Variants in SLC44A5 observed in about 807,000 individuals in gnomAD.
The protein encoded by SLC44A5 is choline transporter-like protein 5.
In SLC44A5, 57 loss-of-function variants were observed where a neutral mutation model predicts 101.8. The observed-to-expected ratio is 0.56, with a 90% CI of 0.45 to 0.70. The LOEUF (loss-of-function observed/expected upper bound fraction) is 0.70, where lower values mean the gene tolerates loss of function less well. SLC44A5 is among the 30% of genes least tolerant of loss of function. The pLI, the probability that SLC44A5 is intolerant of heterozygous loss-of-function variation, is 0.00. For synonymous variants in SLC44A5, 281 were observed against 290.9 expected, an observed-to-expected ratio of 0.97 and a Z score of 0.35; for missense variants, 737 against 853.1, an observed-to-expected ratio of 0.86 and a Z score of 1.70.
chr1:75,646,436 G>C, the SLC44A5 span, among the ~76,000 whole-genome samples: 7 of 152,036 alleles, frequency 4.6e-5, no homozygotes, highest in Admixed American at 3.9e-4. Flanking sequence ...AAGTCTTAAC[G>C]TGACATGAGA....
In SLC44A5 at chr1:75,357,320, GC is replaced by G. The variant is rs1286545665; in HGVS notation, c.53-17691del. The G allele has an allele frequency of 1.2e-5, 5 of 425,100 alleles. No individual in the cohort carries two copies. The Admixed American group carries it at 1.4e-4, about 12-fold the overall frequency. The allele number at this position is 425,100 out of a possible 1,614,324, so 26.3% of individuals were successfully genotyped here. ...CTGTGATACTATTCATTGATAGAGA[GC>G]CCTTAAAATGTGAACGTGTCCTGAC... is the stretch of plus-strand genomic sequence containing the variant. On this transcript the variant is annotated intron_variant, in intron 3 of 23. Coordinates refer to ENST00000370859, the MANE Select transcript of SLC44A5 (RefSeq NM_001130058.2).
chr1:75,251,171 G>T, intron 7 of SLC44A5, 39 bp downstream of exon 7: 1 of 1,470,540 alleles, frequency 6.8e-7, no homozygotes, highest in Non-Finnish European at 9.5e-7. Flanking sequence ...AGAATGTTCA[G>T]AACGGCTGAC....
At chr1:75,652,421 C>G in the SLC44A5 span, among the ~76,000 whole-genome samples, 1 of 152,180 alleles carries the variant, frequency 6.6e-6, no homozygotes, top group African/African-American at 2.4e-5. Flanking sequence ...TCTGAGAAGG[C>G]AAGAATTGAG....
the SLC44A5 span, among the ~76,000 whole-genome samples, chr1:75,659,941 A>T: frequency 6.6e-6 from 1 of 152,266 alleles, no homozygotes; most frequent in East Asian, 1.9e-4. Flanking sequence ...AATATATCAG[A>T]TTAATAGAAT....
intron 5 of SLC44A5, among the ~76,000 whole-genome samples, chr1:75,282,606 T>A (rs539825111): frequency 1.3e-5 from 2 of 152,262 alleles, no homozygotes; most frequent in Non-Finnish European, 2.9e-5. Flanking sequence ...AATCCCCACG[T>A]GTTGGGAGTG....
chr1:75,695,355 C>T, the SLC44A5 span, among the ~76,000 whole-genome samples: 60 of 152,220 alleles, frequency 3.9e-4, no homozygotes, highest in South Asian at 9.3e-3. Context: ...TATCAGATAA[C>T]GCCAAGTAGA....
intron 12 of SLC44A5, among the ~76,000 whole-genome samples, chr1:75,229,078 T>A (rs17096462): frequency 0.28 from 42,924 of 151,762 alleles, 6,383 homozygotes; most frequent in Middle Eastern, 0.36. Context: ...TTCTGTGGAA[T>A]CATTCTCCTT....
chr1:75,214,726 C>G, intron 19 of SLC44A5, 48 bp from the exon 20 acceptor site: 1 of 1,481,406 alleles, frequency 6.8e-7, no homozygotes. Flanking sequence ...CATACTCTAA[C>G]AAGATCAAAA....
At chr1:75,675,599 C>T in the SLC44A5 span, among the ~76,000 whole-genome samples, 4 of 152,214 alleles carry the variant, frequency 2.6e-5, no homozygotes, top group Admixed American at 2.6e-4. Context: ...ACTATAAAAA[C>T]CCTAGAAGAA....
intron 4 of SLC44A5, among the ~76,000 whole-genome samples, chr1:75,310,699 A>G (rs1214062886): frequency 6.6e-6 from 1 of 152,208 alleles, no homozygotes; most frequent in Non-Finnish European, 1.5e-5. Flanking sequence ...TGTGCAAATA[A>G]TATGGGCTTT....
chr1:75,399,974 A>C (rs1007701415), intron 2 of SLC44A5, among the ~76,000 whole-genome samples: 6 of 152,240 alleles, frequency 3.9e-5, no homozygotes. Flanking sequence ...AATGTGGTAC[A>C]TACACAACCA....
chr1:75,519,009 T>TA (rs1669979350), intron 2 of SLC44A5, among the ~76,000 whole-genome samples: 2 of 152,222 alleles, frequency 1.3e-5, no homozygotes, highest in Admixed American at 1.3e-4. Context: ...ATGTAAATTA[T>TA]ATCTCAATAA....
chr1:75,648,474 A>G, the SLC44A5 span, among the ~76,000 whole-genome samples: 1 of 152,108 alleles, frequency 6.6e-6, no homozygotes, highest in African/African-American at 2.4e-5. Context: ...GTTTACTGAG[A>G]CCCTTCTCAG....
intron 6 of SLC44A5, among the ~76,000 whole-genome samples, chr1:75,269,325 T>C (rs1186593616): frequency 6.6e-6 from 1 of 152,070 alleles, no homozygotes; most frequent in Non-Finnish European, 1.5e-5. Flanking sequence ...ATACATTTGG[T>C]CAGATATATA....
the SLC44A5 span, among the ~76,000 whole-genome samples, chr1:75,668,390 C>T: frequency 1.7e-5 from 2 of 118,156 alleles, no homozygotes; most frequent in Non-Finnish European, 3.2e-5. Flanking sequence ...GTGGCATAAT[C>T]ACGGCTCACA....
At chr1:75,686,189 G>A in the SLC44A5 span, among the ~76,000 whole-genome samples, 1 of 152,174 alleles carries the variant, frequency 6.6e-6, no homozygotes. Flanking sequence ...TGGGGACACA[G>A]CCAAACCATA....
the SLC44A5 span, among the ~76,000 whole-genome samples, chr1:75,645,821 G>A: frequency 7.3e-6 from 1 of 136,076 alleles, no homozygotes; most frequent in Non-Finnish European, 1.6e-5. Context: ...AAGGTGTAAG[G>A]AAGGAACCAG....
At chr1:75,681,235 T>G in the SLC44A5 span, among the ~76,000 whole-genome samples, 225 of 152,160 alleles carry the variant, frequency 1.5e-3, no homozygotes, top group African/African-American at 4.4e-3. Context: ...GAAAAAGAGG[T>G]AATCCTCCCT....
chr1:75,309,516 G>C (rs142756061), intron 4 of SLC44A5, among the ~76,000 whole-genome samples: 1 of 152,166 alleles, frequency 6.6e-6, no homozygotes, highest in Non-Finnish European at 1.5e-5. Flanking sequence ...ATTGGTTTTG[G>C]CAATTATTTC....
Sources: gnomAD v4.1 joint callset for allele counts (sites outside exome capture counted in the v4.1 genomes callset) on GRCh38, gnomAD v4.1.1 for gene constraint, MANE v1.5 for transcripts, NCBI Gene and HGNC (gene_info 2026-07-23, HGNC 2026-07-21) for gene names.